Variants in PTPRE observed in about 807,000 individuals in gnomAD.
PTPRE encodes the protein receptor-type tyrosine-protein phosphatase epsilon.
A neutral mutation model predicts 102.0 loss-of-function variants in PTPRE; 51 were observed. The observed-to-expected ratio is 0.50, with a 90% confidence interval of 0.40 to 0.63. The LOEUF is 0.63. Among genes scored for constraint, PTPRE ranks in the 30% least tolerant of loss-of-function variants. The pLI is 0.00. For synonymous variants in PTPRE, 345 were observed against 348.2 expected, an observed-to-expected ratio of 0.99 and a Z score of 0.10; for missense variants, 752 against 915.1, an observed-to-expected ratio of 0.82 and a Z score of 2.30.
At chr10:127,927,182 GC>G (rs1290202291) in intron 1 of PTPRE, among the ~76,000 whole-genome samples, 2 of 151,676 alleles carry the variant, frequency 1.3e-5, no homozygotes, top group African/African-American at 2.4e-5. Context: ...TACACTGGAT[GC>G]CCCCCACCCC....
At chr10:128,079,241 C>A (rs1352061422) in intron 19 of PTPRE, among the ~76,000 whole-genome samples, 14 of 152,036 alleles carry the variant, frequency 9.2e-5, no homozygotes, top group Non-Finnish European at 1.5e-5. Context: ...GTCCAGGGAC[C>A]ACACTTTGAG....
chr10:127,994,008 C>A (rs533730432), intron 2 of PTPRE, among the ~76,000 whole-genome samples: 16 of 152,256 alleles, frequency 1.1e-4, no homozygotes, highest in African/African-American at 3.6e-4. Flanking sequence ...GGGGTCATAC[C>A]CCGGCACATG....
chr10:128,071,934 T>G, intron 15 of PTPRE: 1 of 538,128 alleles, frequency 1.9e-6, no homozygotes, highest in African/African-American at 1.9e-5. Flanking sequence ...GATAATTGGG[T>G]GGTTTTCAGA....
At chr10:127,988,612 A>G (rs1054578025) in intron 2 of PTPRE, among the ~76,000 whole-genome samples, 17 of 152,226 alleles carry the variant, frequency 1.1e-4, no homozygotes, top group African/African-American at 4.1e-4. Flanking sequence ...GCCTGCGGTG[A>G]CTTTTTAAAG....
chr10:128,068,644 C>A, intron 12 of PTPRE: 1 of 170,912 alleles, frequency 5.9e-6, no homozygotes. Flanking sequence ...CTACAGGAAG[C>A]CCCCCAACAA....
chr10:128,068,041 C>T (rs1247520774), intron 11 of PTPRE, 82 bp from the exon 12 acceptor site: 21 of 1,486,108 alleles, frequency 1.4e-5, no homozygotes, highest in East Asian at 9.1e-5. Flanking sequence ...GGGGAGCCCA[C>T]GGCGGCGTCC....
intron 2 of PTPRE, among the ~76,000 whole-genome samples, chr10:127,995,950 G>A (rs985773926): frequency 6.6e-6 from 1 of 152,126 alleles, no homozygotes; most frequent in Admixed American, 6.5e-5. Flanking sequence ...GGCTTTCTTT[G>A]AGGGTTCAGC....
In PTPRE at chr10:127,909,722, G is replaced by A. The variant is rs184252177; in HGVS notation, c.-31+2413G>A. On this transcript the variant is annotated intron_variant, in intron 1 of 20. Coordinates refer to ENST00000254667, the MANE Select transcript of PTPRE (RefSeq NM_006504.6). ...CTGTATCTCCAGTGCCCAGCCATGT[G>A]CCTACCAGTGGAGCCTTGAGGACTA... Among the ~76,000 whole-genome samples, 70 of 152,338 alleles carry A rather than the reference G, an allele frequency of 4.6e-4. 1 individual carries two copies. Among genetic ancestry groups the A allele is most frequent in the African/African-American group, 1.6e-3 (67 of 41,570 alleles).
chr10:127,991,865 C>G (rs1052697229), intron 2 of PTPRE, among the ~76,000 whole-genome samples: 2 of 152,170 alleles, frequency 1.3e-5, no homozygotes, highest in Admixed American at 1.3e-4. Flanking sequence ...CTATGTAGCT[C>G]CTGTCTTGGG....
chr10:128,060,410 C>A (rs1031433372), intron 7 of PTPRE, among the ~76,000 whole-genome samples: 1 of 152,194 alleles, frequency 6.6e-6, no homozygotes, highest in African/African-American at 2.4e-5. Flanking sequence ...GGGCAGACTC[C>A]GGTGGTGGGA....
intron 1 of PTPRE, among the ~76,000 whole-genome samples, chr10:127,955,756 A>G (rs1479289785): frequency 6.6e-6 from 1 of 152,224 alleles, no homozygotes; most frequent in Non-Finnish European, 1.5e-5. Context: ...AAGAGGTTTA[A>G]TTGACTAACA....
intron 2 of PTPRE, among the ~76,000 whole-genome samples, chr10:128,020,043 T>TGC (rs1296581737): frequency 8.4e-6 from 1 of 119,134 alleles, no homozygotes; most frequent in Admixed American, 8.1e-5. Flanking sequence ...TGTGTGTGTG[T>TGC]GTGCACGCGC....
At chr10:127,999,187 A>C (rs561076080) in intron 2 of PTPRE, 63 of 152,274 alleles carry the variant, frequency 4.1e-4, no homozygotes, top group African/African-American at 1.5e-3. Flanking sequence ...TGTGTTGTAC[A>C]CTTTTTTGTT....
intron 1 of PTPRE, among the ~76,000 whole-genome samples, chr10:127,962,872 G>A (rs1373169340): frequency 3.3e-5 from 5 of 152,206 alleles, no homozygotes; most frequent in African/African-American, 4.8e-5. Context: ...CTTAGGTCAC[G>A]CCCAGGTGCA....
intron 1 of PTPRE, among the ~76,000 whole-genome samples, chr10:127,909,889 C>A (rs984926133): frequency 1.3e-5 from 2 of 152,190 alleles, no homozygotes; most frequent in African/African-American, 2.4e-5. Context: ...ATGGTCCATC[C>A]AGGGCTCATG....
At chr10:127,959,973 T>C (rs1849677719) in intron 1 of PTPRE, among the ~76,000 whole-genome samples, 1 of 152,204 alleles carries the variant, frequency 6.6e-6, no homozygotes, top group African/African-American at 2.4e-5. Context: ...TGTGACGATA[T>C]CAAAGCTAGT....
At position 128,070,584 on chromosome 10, in the gene PTPRE, C is replaced by T. The variant is rs1031365652; in HGVS notation, c.1293+134C>T. On this transcript the variant is annotated intron_variant, in intron 14 of 20. Coordinates refer to ENST00000254667, the MANE Select transcript of PTPRE (RefSeq NM_006504.6). The surrounding 1 kb of genome is among the most constrained non-coding windows in gnomAD (Gnocchi z 4.8). ...ACCTCAGAAAAAGCAGGGGCAATAC[C>T]TGAGCCATGATTTACAAGGGAAGAA... The T allele has an allele frequency of 1.6e-5, 20 of 1,277,946 alleles. No homozygotes were observed. The highest frequency in any genetic ancestry group is 4.1e-4 in the Middle Eastern group (2 of 4,872). 79.2% of individuals were successfully genotyped at this position (1,277,946 alleles called of 1,614,324 possible).
chr10:128,063,669 G>A (rs770094624), intron 10 of PTPRE, among the ~76,000 whole-genome samples: 11 of 152,212 alleles, frequency 7.2e-5, no homozygotes, highest in African/African-American at 1.2e-4. Flanking sequence ...ATGCATGTAC[G>A]TTATAAGAAT....
Position 128,028,130 on chromosome 10 carries a change from G to C in PTPRE, c.-7-12745G>C, listed in dbSNP as rs574906053. Reference sequence around the variant, plus strand: ...GACCACTGGATTTCTGGAGAACACTGTACTTCGCCAGCCTGCGGCAGACAC... The same window carrying C: ...GACCACTGGATTTCTGGAGAACACTCTACTTCGCCAGCCTGCGGCAGACAC... On this transcript the variant is annotated intron_variant, in intron 2 of 20. Coordinates refer to ENST00000254667, the MANE Select transcript of PTPRE (RefSeq NM_006504.6). The surrounding 1 kb of genome is among the most constrained non-coding windows in gnomAD (Gnocchi z 4.5). Among the ~76,000 whole-genome samples, 1 of 152,242 alleles carries C rather than the reference G, an allele frequency of 6.6e-6. No individual in the cohort carries two copies. The highest frequency in any genetic ancestry group is 1.9e-4 in the East Asian group (1 of 5,194).
Sources: allele counts gnomAD v4.1 joint callset (sites outside exome capture counted in the v4.1 genomes callset), GRCh38; gene constraint gnomAD v4.1.1; non-coding constraint Gnocchi (gnomAD v3.1); transcripts MANE v1.5; gene names NCBI Gene and HGNC (gene_info 2026-07-23, HGNC 2026-07-21).